The following SLC12A7 variants were observed in gnomAD, a reference collection of about 807,000 sequenced individuals.
SLC12A7 encodes the protein K-Cl cotransporter 4.
In SLC12A7, 100 loss-of-function variants were observed where a neutral mutation model predicts 120.6. The ratio of observed to expected loss-of-function variants is 0.83; its 90% CI spans 0.71 to 0.98. The LOEUF (loss-of-function observed/expected upper bound fraction) is 0.98. Ranked by LOEUF, SLC12A7 falls within the 50% of genes least tolerant of loss-of-function variation. The probability of loss-of-function intolerance (pLI) is 0.00; values close to 1 mark genes in which losing one functional copy is unlikely to be tolerated. For synonymous variants in SLC12A7, 760 were observed against 678.0 expected (o/e 1.12, Z -1.88); for missense variants, 1,373 against 1,548.1 (o/e 0.89, Z 1.90).
chr5:1,098,894 C>G (rs533052066), intron 1 of SLC12A7, among the ~76,000 whole-genome samples: 2 of 151,880 alleles, frequency 1.3e-5, no homozygotes, highest in East Asian at 1.9e-4. Flanking sequence ...TTCCTCTGGC[C>G]GAGCCCTGCC....
At position 1,053,534 on chromosome 5, in the gene SLC12A7, G is replaced by T. The variant is rs771897285; in HGVS notation, c.3027-52C>A. On this transcript the variant is annotated intron_variant, in intron 22 of 23. Coordinates refer to ENST00000264930, the MANE Select transcript of SLC12A7 (RefSeq NM_006598.3). ...GGGCGGCGGGTGCACCCCACGCTCC[G>T]GACACGAGGCTGAGCTGAGCCCTGA... 5 of 1,595,824 alleles carry T rather than the reference G, an allele frequency of 3.1e-6. No individual in the cohort carries two copies. The South Asian group carries it at 5.7e-5, about 18-fold the overall frequency.
chr5:1,098,079 C>G (rs1340821744), intron 1 of SLC12A7, among the ~76,000 whole-genome samples: 1 of 151,392 alleles, frequency 6.6e-6, no homozygotes, highest in Non-Finnish European at 1.5e-5. Flanking sequence ...TCTGCACACC[C>G]AGCCGCCCCC....
chr5:1,089,449 G>A (rs1390110229), intron 3 of SLC12A7, among the ~76,000 whole-genome samples: 2 of 152,072 alleles, frequency 1.3e-5, no homozygotes, highest in African/African-American at 4.8e-5. Context: ...GAGAACGAGA[G>A]GGCCCCCGGC....
chr5:1,050,760 G>C lies in SLC12A7; in HGVS notation c.*1600C>G, dbSNP rs1237545300. The stretch of plus-strand genomic sequence containing the variant: ...TGCTGCTTAACTCATGCTTAGCCAA[G>C]GCAGGCAGAGGCTGTGGGAACTGCT... On this transcript the variant is annotated 3_prime_UTR_variant, in exon 24 of 24. Coordinates refer to ENST00000264930, the MANE Select transcript of SLC12A7 (RefSeq NM_006598.3). The C allele has an allele frequency of 2.5e-6, 1 of 397,972 alleles. No individual in the cohort carries two copies. The highest frequency in any genetic ancestry group is 4.4e-6 in the Non-Finnish European group (1 of 225,940). The allele number at this position is 397,972 out of a possible 1,614,324, so 24.7% of individuals were successfully genotyped here.
chr5:1,052,515 T>C (rs1579299830), intron 23 of SLC12A7, 64 bp from the exon 24 acceptor site: 4 of 1,371,250 alleles, frequency 2.9e-6, no homozygotes, highest in Non-Finnish European at 3.1e-6. Context: ...GAAATCGTGA[T>C]AGGAGTGAGG....
At position 1,077,816 on chromosome 5, in the gene SLC12A7, G is replaced by A. The variant is rs370233206; in HGVS notation, c.1629+17C>T. The A allele has an allele frequency of 1.3e-4, 200 of 1,559,892 alleles. No homozygotes were observed. In the African/African-American group the frequency reaches 1.8e-3, roughly 14 times the overall value. On this transcript the variant is annotated intron_variant, in intron 12 of 23. Transcript: ENST00000264930. ...CCTGACCTTCCAGGGTCCCCCCGAC[G>A]AGGGTGCGGGACTCACCTGCAGGAA...
the SLC12A7 span, among the ~76,000 whole-genome samples, chr5:1,119,987 C>T: frequency 6.6e-6 from 1 of 152,264 alleles, no homozygotes; most frequent in Admixed American, 6.5e-5. Flanking sequence ...CATAGGTCAA[C>T]AGCCTGTCAT....
At chr5:1,131,258 C>T in the SLC12A7 span, among the ~76,000 whole-genome samples, 6 of 152,282 alleles carry the variant, frequency 3.9e-5, no homozygotes, top group East Asian at 5.8e-4. Flanking sequence ...CCGTCCCTCC[C>T]GGCCGTCCTG....
At chr5:1,056,492 C>G (rs1262741421) in intron 22 of SLC12A7, 2 of 641,368 alleles carry the variant, frequency 3.1e-6, no homozygotes, top group Admixed American at 1.3e-4. Context: ...AGGCCTAGAA[C>G]ACGCGCACAG....
the SLC12A7 span, among the ~76,000 whole-genome samples, chr5:1,149,570 C>T: frequency 0.16 from 24,378 of 151,668 alleles, 2,209 homozygotes; most frequent in South Asian, 0.31. Context: ...GAGAAAAACT[C>T]CCTCTCAAAA....
rs547442129 is a variant in SLC12A7 at position 1,069,905 on chromosome 5, T to C, written c.2241+3728A>G. Among the ~76,000 whole-genome samples, 7 of 152,208 alleles carry C rather than the reference T, an allele frequency of 4.6e-5. 1 individual carries two copies. The East Asian group carries it at 1.4e-3, about 29-fold the overall frequency. On this transcript the variant is annotated intron_variant, in intron 17 of 23. Coordinates refer to ENST00000264930, the MANE Select transcript of SLC12A7 (RefSeq NM_006598.3). ...GCAGGGCTCAGAGCTGGCACCAGCA[T>C]GCTACACGCCCGGGGCACTCACCCG...
chr5:1,091,670 C>T (rs967035845), intron 3 of SLC12A7, among the ~76,000 whole-genome samples: 11 of 152,058 alleles, frequency 7.2e-5, no homozygotes, highest in Admixed American at 2.6e-4. Context: ...ACAGCGTCCA[C>T]GTGCGGAAAG....
chr5:1,119,229 C>T, the SLC12A7 span, among the ~76,000 whole-genome samples: 2,020 of 152,346 alleles, frequency 0.013, 55 homozygotes, highest in African/African-American at 0.046. Flanking sequence ...ACCTCCCCTG[C>T]GTTTTCTAAA....
chr5:1,075,511 T>C, intron 14 of SLC12A7, 21 bp from the exon 15 acceptor site: 1 of 1,604,554 alleles, frequency 6.2e-7, no homozygotes, highest in South Asian at 1.1e-5. Flanking sequence ...GGCAAGTGGC[T>C]CGGGGCGGCC....
At chr5:1,112,875 C>A (rs1437740295), upstream of SLC12A7, among the ~76,000 whole-genome samples, 1 of 130,396 alleles carries the variant, frequency 7.7e-6, no homozygotes, top group Non-Finnish European at 1.6e-5. Flanking sequence ...AGGGAGTCCC[C>A]CCCCCCACCC....
At chr5:1,139,437 C>T in the SLC12A7 span, among the ~76,000 whole-genome samples, 1 of 152,392 alleles carries the variant, frequency 6.6e-6, no homozygotes, top group Non-Finnish European at 1.5e-5. Flanking sequence ...CTCAGCCTGA[C>T]AGATGCGGTT....
chr5:1,132,533 GTTC>G, the SLC12A7 span, among the ~76,000 whole-genome samples: 20 of 152,264 alleles, frequency 1.3e-4, no homozygotes, highest in East Asian at 3.7e-3. Flanking sequence ...TCTGGTAACA[GTTC>G]TTTTTTCTTT....
chr5:1,075,103 G>A (rs1180101644), intron 15 of SLC12A7, among the ~76,000 whole-genome samples: 1 of 152,196 alleles, frequency 6.6e-6, no homozygotes, highest in African/African-American at 2.4e-5. Context: ...GTCAGCCGTG[G>A]GCTCACCGCC....
chr5:1,115,029 G>C (rs1743260204), upstream of SLC12A7, among the ~76,000 whole-genome samples: 1 of 152,208 alleles, frequency 6.6e-6, no homozygotes, highest in Non-Finnish European at 1.5e-5. Context: ...AATCTCCCAA[G>C]TATATTTGTA....
Sources: allele counts gnomAD v4.1 joint callset (sites outside exome capture counted in the v4.1 genomes callset), GRCh38; gene constraint gnomAD v4.1.1; transcripts MANE v1.5; gene names NCBI Gene and HGNC (gene_info 2026-07-23, HGNC 2026-07-21).